TMEM132C: variants seen among roughly 807,000 people sequenced by gnomAD.
TMEM132C encodes the protein protein phosphatase 1, regulatory subunit 152.
TMEM132C carries 29 observed loss-of-function variants against 61.4 expected under a neutral mutation model. The observed-to-expected ratio is 0.47, with a 90% CI of 0.35 to 0.64. TMEM132C has a LOEUF of 0.64. Among genes scored for constraint, TMEM132C ranks in the 30% least tolerant of loss-of-function variants. The pLI, the probability that TMEM132C is intolerant of heterozygous loss-of-function variation, is 0.00. For synonymous variants in TMEM132C, 656 were observed against 633.1 expected (o/e 1.04, Z -0.54); for missense variants, 1,408 against 1,476.9 (o/e 0.95, Z 0.76).
intron 3 of TMEM132C, among the ~76,000 whole-genome samples, chr12:128,605,430 G>T (rs956450591): frequency 2.0e-4 from 31 of 152,142 alleles, no homozygotes; most frequent in Middle Eastern, 3.2e-3. Flanking sequence ...CCCACATTGT[G>T]GGGGGCCAAG....
At chr12:128,584,806 T>C (rs778864952) in intron 3 of TMEM132C, among the ~76,000 whole-genome samples, 1 of 151,386 alleles carries the variant, frequency 6.6e-6, no homozygotes, top group African/African-American at 2.4e-5. Context: ...GGCCGGGGGG[T>C]CTTTGCTGTC....
At chr12:128,471,526 A>T (rs986804329) in intron 2 of TMEM132C, among the ~76,000 whole-genome samples, 1 of 152,210 alleles carries the variant, frequency 6.6e-6, no homozygotes, top group Non-Finnish European at 1.5e-5. Context: ...ACAGGAATAT[A>T]TAAGATAGGA....
At chr12:128,634,667 C>T (rs1052750189) in intron 4 of TMEM132C, among the ~76,000 whole-genome samples, 2 of 152,244 alleles carry the variant, frequency 1.3e-5, no homozygotes, top group African/African-American at 4.8e-5. Context: ...CTGTACTTGG[C>T]AGCCTTGTGC....
intron 5 of TMEM132C, among the ~76,000 whole-genome samples, chr12:128,691,029 A>G (rs1157051762): frequency 2.0e-5 from 3 of 152,244 alleles, no homozygotes; most frequent in Admixed American, 6.5e-5. Context: ...CAGACCCCCC[A>G]GAAGGGGACT....
chr12:128,304,390 T>C (rs1871694265), intron 1 of TMEM132C, among the ~76,000 whole-genome samples: 1 of 129,306 alleles, frequency 7.7e-6, no homozygotes, highest in Non-Finnish European at 1.7e-5. Flanking sequence ...GGTAGATCAT[T>C]TGAGGTCAGG....
At position 128,310,604 on chromosome 12, in the gene TMEM132C, C is replaced by G. The variant is rs138399126; in HGVS notation, c.85+43117C>G. ...ACTCAGAGTGAGAACCTGTTCATCA[C>G]CAAGGAGATGAACAAGCCATTCATG... is the stretch of plus-strand genomic sequence containing the variant. On this transcript the variant is annotated intron_variant, in intron 1 of 8. Transcript: ENST00000435159. Among the ~76,000 whole-genome samples, 728 of 152,162 alleles carry G rather than the reference C, an allele frequency of 4.8e-3. 7 individuals carry two copies. The highest frequency in any genetic ancestry group is 0.017 in the African/African-American group (693 of 41,506).
At chr12:128,665,092 CAT>C (rs1954443222) in intron 4 of TMEM132C, among the ~76,000 whole-genome samples, 1 of 151,290 alleles carries the variant, frequency 6.6e-6, no homozygotes, top group South Asian at 2.1e-4. Context: ...GGCACTCACA[CAT>C]ACACAGGCAC....
At chr12:128,582,774 A>T (rs766740785) in intron 3 of TMEM132C, among the ~76,000 whole-genome samples, 1 of 152,072 alleles carries the variant, frequency 6.6e-6, no homozygotes, top group Non-Finnish European at 1.5e-5. Flanking sequence ...TCCCAGTCTC[A>T]GGTATGTCTT....
intron 1 of TMEM132C, among the ~76,000 whole-genome samples, chr12:128,279,629 C>T (rs1870817371): frequency 6.6e-6 from 1 of 152,214 alleles, no homozygotes; most frequent in Non-Finnish European, 1.5e-5. Flanking sequence ...CACCGCAGGG[C>T]CTTTGCACAT....
chr12:128,418,714 C>T lies in TMEM132C; in HGVS notation c.974+3094C>T, dbSNP rs75397933. Among the ~76,000 whole-genome samples, 1,159 of 152,292 alleles carry T rather than the reference C, an allele frequency of 7.6e-3. 17 individuals carry two copies. The highest frequency in any genetic ancestry group is 0.027 in the African/African-American group (1,107 of 41,552). ...TGGCATAACATTGTTAACCGAACTA[C>T]AGAGGATGTTTGGGTCAGAATGTAG... On this transcript the variant is annotated intron_variant, in intron 2 of 8. Coordinates refer to ENST00000435159, the MANE Select transcript of TMEM132C (RefSeq NM_001136103.3).
In TMEM132C at chr12:128,695,978, C is replaced by A. The variant is rs1040419235; in HGVS notation, c.1804C>A (p.Pro602Thr). 2 of 1,551,688 alleles carry A rather than the reference C, an allele frequency of 1.3e-6. No individual in the cohort carries two copies. The highest frequency in any genetic ancestry group is 2.0e-5 in the Admixed American group (1 of 50,994). Residue 602 changes from proline (P) to threonine (T), a missense_variant, in exon 7 of 9, where the codon CCT becomes ACT. By Grantham distance (38) the Pro-to-Thr change is conservative. Coordinates refer to ENST00000435159, the MANE Select transcript of TMEM132C (RefSeq NM_001136103.3). The part of the protein sequence containing the change: ...PWGQPNYLLS[P>T]NWQFDITHLV... ...GGGCCAGCCGAACTACCTGCTTAGT[C>A]CTAACTGGCAGTTCGACATCACTCA...
intron 2 of TMEM132C, among the ~76,000 whole-genome samples, chr12:128,531,524 T>A (rs71462501): frequency 0.017 from 2,551 of 152,336 alleles, 48 homozygotes; most frequent in Admixed American, 0.023. Flanking sequence ...TGGGTTTCCG[T>A]GGCTTCACAC....
rs1480186680 is a variant in TMEM132C, at chr12:128,705,548, C to T, written c.2580C>T (p.Ala860=). 6.4e-7 allele frequency: 1 copy of T among 1,551,102 alleles called. No homozygotes were observed. The highest frequency in any genetic ancestry group is 1.2e-5 in the South Asian group (1 of 84,062). ...CTCTCCGAAGAGCCACTACCACGGC[C>T]AGGTCCCTGCTGGACAACAAAGTGG... ...EGALRRATTT[A]RSLLDNKVVK... Residue 860 remains alanine, a synonymous_variant, in exon 9 of 9, where the codon GCC becomes GCT. Coordinates refer to ENST00000435159, the MANE Select transcript of TMEM132C (RefSeq NM_001136103.3).
At chr12:128,469,602 T>C (rs1462249071) in intron 2 of TMEM132C, among the ~76,000 whole-genome samples, 1 of 151,994 alleles carries the variant, frequency 6.6e-6, no homozygotes, top group Non-Finnish European at 1.5e-5. Context: ...GGCCACAACA[T>C]GCATTTTTGT....
intron 1 of TMEM132C, among the ~76,000 whole-genome samples, chr12:128,341,378 A>G (rs1872973709): frequency 6.6e-6 from 1 of 152,224 alleles, no homozygotes; most frequent in Non-Finnish European, 1.5e-5. Flanking sequence ...AAGGAAGATA[A>G]AAGTAGTCTG....
At chr12:128,653,543 C>A (rs911517596) in intron 4 of TMEM132C, among the ~76,000 whole-genome samples, 1 of 152,134 alleles carries the variant, frequency 6.6e-6, no homozygotes, top group Non-Finnish European at 1.5e-5. Flanking sequence ...TTTAGGGTTC[C>A]ATCGGCCTGG....
chr12:128,658,668 G>A (rs1053212924), intron 4 of TMEM132C, among the ~76,000 whole-genome samples: 20 of 152,126 alleles, frequency 1.3e-4, no homozygotes, highest in African/African-American at 4.1e-4. Flanking sequence ...ACAGGGAACC[G>A]GATGCTTTCA....
At chr12:128,486,930 C>T (rs939411515) in intron 2 of TMEM132C, among the ~76,000 whole-genome samples, 76 of 149,890 alleles carry the variant, frequency 5.1e-4, no homozygotes, top group Non-Finnish European at 2.1e-4. Context: ...CAGCTCAGCA[C>T]TTTTAGTGCT....
rs561687280 is a variant in TMEM132C, at chr12:128,312,303, TTTTG to T, written c.85+44827_85+44830del. ...ATCCAAATCCAGTGACTGGTGGGGT[TTTTG>T]TTTGTTTGTTCGTTTTTTGAGACAA... On this transcript the variant is annotated intron_variant, in intron 1 of 8. Coordinates refer to ENST00000435159, the MANE Select transcript of TMEM132C (RefSeq NM_001136103.3). Among the ~76,000 whole-genome samples the T allele has an allele frequency of 8.9e-4, 135 of 152,120 alleles. 1 individual carries two copies. Among genetic ancestry groups the T allele is most frequent in the African/African-American group, 2.9e-3 (121 of 41,504 alleles).
Sources: gnomAD v4.1 joint callset for allele counts (sites outside exome capture counted in the v4.1 genomes callset) on GRCh38, gnomAD v4.1.1 for gene constraint, MANE v1.5 for transcripts, NCBI Gene and HGNC (gene_info 2026-07-23, HGNC 2026-07-21) for gene names.